PDE1C: variants seen among roughly 807,000 people sequenced by gnomAD.
The protein encoded by PDE1C is dual specificity calcium/calmodulin-dependent 3',5'-cyclic nucleotide phosphodiesterase 1C.
A neutral mutation model predicts 93.1 loss-of-function variants in PDE1C; 62 were observed. The ratio of observed to expected loss-of-function variants is 0.67; its 90% CI spans 0.54 to 0.82. The LOEUF is 0.82. PDE1C is among the 40% of genes least tolerant of loss of function. The pLI is 0.00. For missense variants in PDE1C, 742 were observed against 884.6 expected, an observed-to-expected ratio of 0.84 and a Z score of 2.04; for synonymous variants, 325 against 310.1, an observed-to-expected ratio of 1.05 and a Z score of -0.50.
At chr7:31,712,965 G>C in the PDE1C span, among the ~76,000 whole-genome samples, 2 of 152,110 alleles carry the variant, frequency 1.3e-5, no homozygotes, top group African/African-American at 2.4e-5. Flanking sequence ...ATGAGATTTG[G>C]GGGGGACACA....
At chr7:31,911,170 G>T (rs942322739) in intron 2 of PDE1C, among the ~76,000 whole-genome samples, 4 of 151,942 alleles carry the variant, frequency 2.6e-5, no homozygotes, top group Non-Finnish European at 4.4e-5. Context: ...CTATATGATG[G>T]TACATATTGG....
chr7:31,976,995 T>A (rs11978568), intron 2 of PDE1C, among the ~76,000 whole-genome samples: 1,613 of 152,306 alleles, frequency 0.011, 24 homozygotes, highest in African/African-American at 0.036. Flanking sequence ...ACCTACTGAA[T>A]CAGAGAGTCT....
intron 1 of PDE1C, among the ~76,000 whole-genome samples, chr7:32,224,520 T>C (rs2128856929): frequency 6.6e-6 from 1 of 152,270 alleles, no homozygotes; most frequent in South Asian, 2.1e-4. Context: ...GGATGAGGGA[T>C]AAAATATGTA....
At chr7:31,966,591 G>C (rs1810004585) in intron 2 of PDE1C, among the ~76,000 whole-genome samples, 1 of 152,168 alleles carries the variant, frequency 6.6e-6, no homozygotes, top group South Asian at 2.1e-4. Context: ...ATTGAACTCA[G>C]CTCTGCACCA....
intron 1 of PDE1C, among the ~76,000 whole-genome samples, chr7:32,264,133 A>T (rs920127738): frequency 6.6e-6 from 1 of 152,208 alleles, no homozygotes; most frequent in Admixed American, 6.5e-5. Context: ...TAGAAGCTCT[A>T]CAGGTCACTA....
rs757019285 is a variant in PDE1C, at chr7:31,852,928, C to T, written c.751-2187G>A. 3.0e-4 allele frequency among the ~76,000 whole-genome samples: 44 copies of T among 145,450 alleles called. 1 individual carries two copies. Among genetic ancestry groups the T allele is most frequent in the Admixed American group, 1.8e-3 (27 of 14,808 alleles). Reference sequence around the variant, plus strand: ...GTCCCCACCCATCTGTCCCTGGTTCCCTCTACCTCCTCTCCCACATATATC... The same window carrying T: ...GTCCCCACCCATCTGTCCCTGGTTCTCTCTACCTCCTCTCCCACATATATC... On this transcript the variant is annotated intron_variant, in intron 7 of 17. Transcript: ENST00000396191.
In PDE1C at chr7:32,089,952, C is replaced by A. The variant is rs79788665; in HGVS notation, c.308+79833G>T. Among the ~76,000 whole-genome samples, 56 of 152,278 alleles carry A rather than the reference C, an allele frequency of 3.7e-4. 1 individual carries two copies. In the East Asian group the frequency reaches 8.5e-3, roughly 23 times the overall value. ...ATGTTACTTGCCTGCTTCACTAAGG[C>A]AGGACAAAAATAGTTTCTTGGTACC... is the stretch of plus-strand genomic sequence containing the variant. On this transcript the variant is annotated intron_variant, in intron 3 of 18. Transcript: ENST00000396193.
chr7:31,727,252 G>A, the PDE1C span, among the ~76,000 whole-genome samples: 1 of 152,120 alleles, frequency 6.6e-6, no homozygotes, highest in Non-Finnish European at 1.5e-5. Flanking sequence ...TGAGTAATAA[G>A]CTTAGCTTGT....
At chr7:31,757,624 G>A (rs143601602) in intron 17 of PDE1C, among the ~76,000 whole-genome samples, 33,532 of 151,810 alleles carry the variant, frequency 0.22, 3,854 homozygotes, top group Admixed American at 0.27. Context: ...TTAGAATGGC[G>A]ATCATTAAAA....
At chr7:32,158,260 C>T (rs1006098858) in intron 3 of PDE1C, among the ~76,000 whole-genome samples, 1 of 152,132 alleles carries the variant, frequency 6.6e-6, no homozygotes, top group Non-Finnish European at 1.5e-5. Flanking sequence ...ATGATATGCC[C>T]GCCTCAAGTA....
At chr7:31,699,736 T>C in the PDE1C span, among the ~76,000 whole-genome samples, 2 of 152,160 alleles carry the variant, frequency 1.3e-5, no homozygotes, top group African/African-American at 2.4e-5. Context: ...ATGTGTTAAC[T>C]TCATGTCTCT....
intron 1 of PDE1C, among the ~76,000 whole-genome samples, chr7:32,297,601 A>T (rs1812665517): frequency 6.6e-6 from 1 of 151,756 alleles, no homozygotes; most frequent in South Asian, 2.1e-4. Flanking sequence ...TCAAGCACCC[A>T]CCTCTTCAAA....
intron 1 of PDE1C, among the ~76,000 whole-genome samples, chr7:32,391,783 G>C (rs1784755445): frequency 6.6e-6 from 1 of 152,010 alleles, no homozygotes; most frequent in Admixed American, 6.6e-5. Context: ...AAAATATTTT[G>C]AGCTGAATGA....
chr7:32,027,376 C>G (rs1256070320), intron 2 of PDE1C, among the ~76,000 whole-genome samples: 1 of 151,910 alleles, frequency 6.6e-6, no homozygotes, highest in Non-Finnish European at 1.5e-5. Flanking sequence ...CAGAGACTGA[C>G]AAAAGTCAAA....
intron 1 of PDE1C, among the ~76,000 whole-genome samples, chr7:32,384,480 T>C (rs1446503649): frequency 1.3e-5 from 2 of 152,168 alleles, no homozygotes; most frequent in African/African-American, 4.8e-5. Context: ...AGATTTCCTT[T>C]AGAAAGAAAT....
At chr7:32,324,357 T>G (rs962738450) in intron 1 of PDE1C, among the ~76,000 whole-genome samples, 1 of 152,194 alleles carries the variant, frequency 6.6e-6, no homozygotes, top group African/African-American at 2.4e-5. Context: ...ACCCCAGCCT[T>G]TTTCAACCTC....
intron 1 of PDE1C, among the ~76,000 whole-genome samples, chr7:32,209,890 G>C (rs994119094): frequency 6.6e-6 from 1 of 152,270 alleles, no homozygotes. Context: ...GGCCCCAAGA[G>C]TCCTCTAACA....
At chr7:32,089,585 A>G (rs1383740611) in intron 3 of PDE1C, among the ~76,000 whole-genome samples, 1 of 152,206 alleles carries the variant, frequency 6.6e-6, no homozygotes, top group Non-Finnish European at 1.5e-5. Flanking sequence ...CAATGCTGAA[A>G]CAAAAAGGAA....
chr7:32,048,206 A>G (rs983472875), intron 2 of PDE1C, among the ~76,000 whole-genome samples: 4 of 152,226 alleles, frequency 2.6e-5, no homozygotes, highest in Non-Finnish European at 5.9e-5. Context: ...TGCTCTATAG[A>G]TTAAACAAGG....
Sources: allele counts gnomAD v4.1 joint callset (sites outside exome capture counted in the v4.1 genomes callset), GRCh38; gene constraint gnomAD v4.1.1; transcripts MANE v1.5; gene names NCBI Gene and HGNC (gene_info 2026-07-23, HGNC 2026-07-21).